The following LMBR1L variants were observed in gnomAD, a reference collection of about 807,000 sequenced individuals.
The protein encoded by LMBR1L is limb development membrane protein 1 like, also known as protein LMBR1L.
In LMBR1L, 47 loss-of-function variants were observed where a neutral mutation model predicts 67.3. That is an observed-to-expected ratio of 0.70 (90% confidence interval 0.55 to 0.89). The LOEUF (loss-of-function observed/expected upper bound fraction) is 0.89, where lower values mean the gene tolerates loss of function less well. Among genes scored for constraint, LMBR1L ranks in the 40% least tolerant of loss-of-function variants. The probability of loss-of-function intolerance (pLI) is 0.00; values close to 1 mark genes in which losing one functional copy is unlikely to be tolerated. For missense variants in LMBR1L, 533 were observed against 599.2 expected (o/e 0.89, Z 1.15); for synonymous variants, 247 against 250.3 (o/e 0.99, Z 0.13).
At chr12:49,106,055 C>A in intron 2 of LMBR1L, 98 bp from the exon 3 acceptor site, 2 of 1,022,768 alleles carry the variant, frequency 2.0e-6, no homozygotes, top group Non-Finnish European at 3.0e-6. Flanking sequence ...CATCCCTGCC[C>A]CCTCAAAGAA....
Position 49,100,615 on chromosome 12 carries a change from A to G in LMBR1L, c.1114T>C (p.Tyr372His). The change falls in exon 14 of 17, where the codon TAT becomes CAT. Residue 372 changes from tyrosine (Y) to histidine (H), a missense_variant. Physicochemically the swap from Tyr to His is moderately conservative, Grantham distance 83. This residue lies in a region of LMBR1L where 223 missense variants were observed against 241.2 expected (regional missense o/e 0.92). Coordinates refer to ENST00000267102, the MANE Select transcript of LMBR1L (RefSeq NM_018113.4). ...YLMVSSVVGF[Y>H]SSPLFRSLRP... The stretch of plus-strand genomic sequence containing the variant: ...AGGCTCCGGAAGAGTGGAGAGCTAT[A>G]GAAGCCCACAACTGAGGACACCATT... The G allele has an allele frequency of 6.2e-7, 1 of 1,614,152 alleles. No homozygotes were observed. The highest frequency in any genetic ancestry group is 1.7e-5 in the Admixed American group (1 of 60,018).
rs1939608237 is a variant in LMBR1L, at chr12:49,097,960, C to T, written c.1386G>A (p.Glu462=). The T allele has an allele frequency of 6.2e-7, 1 of 1,613,286 alleles. No individual in the cohort carries two copies. The highest frequency in any genetic ancestry group is 1.3e-5 in the African/African-American group (1 of 74,940). ...VKTFTAAVRA[E]LIRAFGLDRL... The stretch of plus-strand genomic sequence containing the variant: ...CCCTCTCACCAAAGGCCCGGATCAG[C>T]TCTGCCCGCACAGCTGCAGTGAAGG... The change falls in exon 16 of 17, where the codon GAG becomes GAA. Residue 462 remains glutamate, a synonymous_variant. Coordinates refer to ENST00000267102, the MANE Select transcript of LMBR1L (RefSeq NM_018113.4).
At position 49,101,322 on chromosome 12, in the gene LMBR1L, C is replaced by T. The variant is rs750077190; in HGVS notation, c.1010G>A (p.Gly337Asp). The T allele has an allele frequency of 1.3e-5, 21 of 1,613,948 alleles. 1 individual carries two copies. The Admixed American group carries it at 3.5e-4, about 27-fold the overall frequency. Residue 337 changes from glycine (G) to aspartate (D), a missense_variant and splice_region_variant, in exon 13 of 17, where the codon GGT (glycine) becomes GAT (aspartate). By Grantham distance (94) the Gly-to-Asp change is moderately conservative (BLOSUM62 -1). Transcript: ENST00000267102. ...GAAGGAGACCTGGCCTAAGGAGGTA[C>T]CCTGAGGAGTGGGGCAGTATCACTG... ...DEAAMPRGMQ[G>D]TSLGQVSFSK...
At chr12:49,102,436 T>C in intron 9 of LMBR1L, 32 bp downstream of exon 9, 2 of 1,613,926 alleles carry the variant, frequency 1.2e-6, no homozygotes, top group Non-Finnish European at 1.7e-6. Flanking sequence ...AGGCCAAGCC[T>C]ACCACCCCAG....
At chr12:49,107,686 A>G (rs1042858722) in intron 1 of LMBR1L, among the ~76,000 whole-genome samples, 2 of 152,164 alleles carry the variant, frequency 1.3e-5, no homozygotes, top group Non-Finnish European at 2.9e-5. Flanking sequence ...CCCAATATCT[A>G]TAGTGTTTCT....
rs759320561 is a variant in LMBR1L, at chr12:49,098,004, TG to T, written c.1341del (p.Thr448HisfsTer5). 2.5e-6 allele frequency: 4 copies of T among 1,614,042 alleles called. No homozygotes were observed. Among genetic ancestry groups the T allele is most frequent in the Non-Finnish European group, 3.4e-6 (4 of 1,180,018 alleles). On this transcript the variant is annotated frameshift_variant, in exon 16 of 17. Transcript: ENST00000267102. LOFTEE classifies it high-confidence loss of function. ...GTGAAGGTCTTCACCAGACAGAGTG[TG>T]GTGAGGCCTGCAAAGGCTGCGTTGT... is the stretch of plus-strand genomic sequence containing the variant. The part of the protein sequence containing the change: ...FLYNAAFAGL[T>X]TLCLVKTFTA...
At position 49,097,299 on chromosome 12, in the gene LMBR1L, G is replaced by C. The variant is rs1043252248; in HGVS notation, c.*373C>G. 1.8e-5 allele frequency: 4 copies of C among 224,322 alleles called. No individual in the cohort carries two copies. The Admixed American group carries it at 1.9e-4, about 11-fold the overall frequency. 13.9% of individuals were successfully genotyped at this position (224,322 alleles called of 1,614,324 possible). A position where few individuals can be genotyped will look rare whatever the true frequency, so the allele number is the denominator to read the frequency against. ...AGGCAAGGGAGACAATCTATCTCCC[G>C]AGCCTGCCCTGGCCCAGTCCTTTCC... On this transcript the variant is annotated 3_prime_UTR_variant, in exon 17 of 17. Transcript: ENST00000267102.
intron 11 of LMBR1L, 189 bp from the exon 12 acceptor site, chr12:49,101,738 C>T (rs540213142): frequency 1.1e-4 from 68 of 594,608 alleles, no homozygotes; most frequent in Non-Finnish European, 1.9e-4. Flanking sequence ...TAAGATACAT[C>T]TCCTCTAGAT....
intron 1 of LMBR1L, chr12:49,109,754 C>T (rs1380526903): frequency 4.4e-6 from 2 of 456,414 alleles, no homozygotes; most frequent in South Asian, 3.1e-5. Context: ...CACTTCTGTG[C>T]GCAAGGTTCA....
intron 1 of LMBR1L, among the ~76,000 whole-genome samples, chr12:49,107,385 G>A (rs139362819): frequency 2.0e-5 from 3 of 152,320 alleles, no homozygotes; most frequent in Non-Finnish European, 2.9e-5. Flanking sequence ...ACATGCACAC[G>A]CATTTCAAAC....
At position 49,101,375 on chromosome 12, in the gene LMBR1L, C is replaced by T. The variant is rs374608182; in HGVS notation, c.1009-52G>A. The T allele has an allele frequency of 8.0e-5, 129 of 1,604,932 alleles. 1 individual carries two copies. The highest frequency in any genetic ancestry group is 7.8e-5 in the Non-Finnish European group (91 of 1,172,300). On this transcript the variant is annotated intron_variant, in intron 12 of 16. Transcript: ENST00000267102. ...AGCATTCCCCACCATCAGCACTACC[C>T]GGCACCCAGCCTTCCCACTGTCCTC...
intron 15 of LMBR1L, among the ~76,000 whole-genome samples, chr12:49,098,328 C>T (rs1939678108): frequency 6.6e-6 from 1 of 152,220 alleles, no homozygotes; most frequent in Non-Finnish European, 1.5e-5. Flanking sequence ...GTATCTTCTC[C>T]TCCAGTGAGG....
At chr12:49,102,069 G>A (rs767604836) in intron 11 of LMBR1L, 51 bp downstream of exon 11, 6 of 1,506,212 alleles carry the variant, frequency 4.0e-6, no homozygotes, top group African/African-American at 1.4e-5. Context: ...TCCCTGAGAA[G>A]GCCTCAAGTA....
intron 3 of LMBR1L, 124 bp downstream of exon 3, chr12:49,105,800 G>T: frequency 2.7e-6 from 2 of 730,820 alleles, no homozygotes; most frequent in East Asian, 5.7e-5. Flanking sequence ...GCCAGAAATG[G>T]GGTGGAAACA....
chr12:49,108,002 C>T (rs777039709), intron 1 of LMBR1L, among the ~76,000 whole-genome samples: 5 of 152,124 alleles, frequency 3.3e-5, no homozygotes, highest in East Asian at 1.9e-4. Context: ...TTGAGGCTCA[C>T]GCCTGTAATC....
chr12:49,100,908 T>C (rs1592203612), intron 13 of LMBR1L: 3 of 546,852 alleles, frequency 5.5e-6, no homozygotes, highest in Non-Finnish European at 9.6e-6. Flanking sequence ...TTTGTACTTT[T>C]TGTAGAGGCC....
intron 1 of LMBR1L, among the ~76,000 whole-genome samples, chr12:49,109,035 G>A (rs534305841): frequency 2.6e-5 from 4 of 152,154 alleles, no homozygotes; most frequent in South Asian, 2.1e-4. Context: ...CTGGGCTTGC[G>A]TAATAGCCAG....
chr12:49,104,363 C>A, intron 5 of LMBR1L, 85 bp downstream of exon 5: 1 of 1,034,120 alleles, frequency 9.7e-7, no homozygotes, highest in East Asian at 2.4e-5. Flanking sequence ...TAAACCTCTG[C>A]AAATAGCCTC....
intron 9 of LMBR1L, 37 bp downstream of exon 9, chr12:49,102,431 A>C: frequency 1.9e-6 from 3 of 1,613,890 alleles, no homozygotes; most frequent in Non-Finnish European, 2.5e-6. Context: ...TGCCCAGGCC[A>C]AGCCTACCAC....
Sources: allele counts gnomAD v4.1 joint callset (sites outside exome capture counted in the v4.1 genomes callset), GRCh38; gene constraint gnomAD v4.1.1; regional missense constraint gnomAD v4.1.1; transcripts MANE v1.5; gene names NCBI Gene and HGNC (gene_info 2026-07-23, HGNC 2026-07-21).